The following RUNDC3B variants were observed in gnomAD, a reference collection of about 807,000 sequenced individuals.
The protein encoded by RUNDC3B is RUN domain-containing protein 3B.
In RUNDC3B, 33 loss-of-function variants were observed where a neutral mutation model predicts 58.4. That is an observed-to-expected ratio of 0.56 (90% CI 0.43 to 0.75). The LOEUF (loss-of-function observed/expected upper bound fraction) is 0.75, where lower values mean the gene tolerates loss of function less well. RUNDC3B is among the 30% of genes least tolerant of loss of function. RUNDC3B has a pLI of 0.00. For missense variants in RUNDC3B, 501 were observed against 535.7 expected, an observed-to-expected ratio of 0.94 and a Z score of 0.64; for synonymous variants, 193 against 195.2, an observed-to-expected ratio of 0.99 and a Z score of 0.10.
At chr7:87,794,404 C>T (rs1470845680) in intron 8 of RUNDC3B, among the ~76,000 whole-genome samples, 1 of 152,060 alleles carries the variant, frequency 6.6e-6, no homozygotes, top group Non-Finnish European at 1.5e-5. Context: ...CACTGCACTC[C>T]AGCCTGATGA....
intron 4 of RUNDC3B, among the ~76,000 whole-genome samples, chr7:87,725,239 A>T (rs1337799353): frequency 6.6e-6 from 1 of 150,774 alleles, no homozygotes; most frequent in Non-Finnish European, 1.5e-5. Context: ...TTCCCTCCCC[A>T]CTCCCCGCAC....
intron 6 of RUNDC3B, among the ~76,000 whole-genome samples, chr7:87,767,175 C>T (rs534074979): frequency 6.6e-6 from 1 of 152,142 alleles, no homozygotes; most frequent in Non-Finnish European, 1.5e-5. Context: ...TCCCAACCTT[C>T]TCTTAGATCT....
intron 10 of RUNDC3B, among the ~76,000 whole-genome samples, chr7:87,829,501 T>A (rs1838020678): frequency 6.6e-6 from 1 of 152,322 alleles, no homozygotes; most frequent in South Asian, 2.1e-4. Flanking sequence ...ATCAGATGGC[T>A]ATACATGTGC....
intron 2 of RUNDC3B, among the ~76,000 whole-genome samples, chr7:87,689,735 A>G (rs946043420): frequency 2.0e-5 from 3 of 152,108 alleles, no homozygotes; most frequent in Non-Finnish European, 2.9e-5. Flanking sequence ...TCTAATTTCA[A>G]TGAGTTGTCC....
chr7:87,768,905 T>A (rs1448977512), intron 6 of RUNDC3B, among the ~76,000 whole-genome samples: 1 of 152,152 alleles, frequency 6.6e-6, no homozygotes, highest in Non-Finnish European at 1.5e-5. Flanking sequence ...AAAAGTTGAA[T>A]GAACTCTTTT....
chr7:87,713,371 G>T (rs1013539060), intron 4 of RUNDC3B: 1 of 152,180 alleles, frequency 6.6e-6, no homozygotes, highest in Non-Finnish European at 1.5e-5. Flanking sequence ...AGGCAGGCTT[G>T]AAAGCACTAA....
At chr7:87,775,676 A>T (rs894847226) in intron 7 of RUNDC3B, among the ~76,000 whole-genome samples, 10 of 152,042 alleles carry the variant, frequency 6.6e-5, no homozygotes, top group African/African-American at 9.7e-5. Context: ...TGCCTTTTTT[A>T]AAAAAAATCT....
At chr7:87,660,695 TAGC>T (rs1824612603) in intron 2 of RUNDC3B, among the ~76,000 whole-genome samples, 2 of 151,984 alleles carry the variant, frequency 1.3e-5, no homozygotes, top group African/African-American at 4.8e-5. Context: ...GTTGGACTCT[TAGC>T]AGATTAATTT....
Position 87,628,813 on chromosome 7 carries a change from G to A in RUNDC3B, c.-11G>A, listed in dbSNP as rs1820876589. 2.4e-6 allele frequency: 3 copies of A among 1,237,992 alleles called. No homozygotes were observed. The highest frequency in any genetic ancestry group is 2.0e-6 in the Non-Finnish European group (2 of 978,528). The allele number at this position is 1,237,992 out of a possible 1,614,324, so 76.7% of individuals were successfully genotyped here. ...GGCACGAGACAAAAGGGGCACGGGG[G>A]TAAGCCCGCCATGGCCTCCCGGAGC... On this transcript the variant is annotated 5_prime_UTR_variant, in exon 1 of 11. Transcript: ENST00000394654.
intron 1 of RUNDC3B, among the ~76,000 whole-genome samples, chr7:87,638,850 T>G (rs1409343966): frequency 1.3e-5 from 2 of 152,154 alleles, no homozygotes; most frequent in Non-Finnish European, 2.9e-5. Context: ...GACTCCTCAG[T>G]TTATTTAGAA....
At chr7:87,729,646 G>A (rs1831462407) in intron 4 of RUNDC3B, among the ~76,000 whole-genome samples, 1 of 152,142 alleles carries the variant, frequency 6.6e-6, no homozygotes, top group South Asian at 2.1e-4. Context: ...AAGCAGTCTA[G>A]GCCAAAGAGA....
At chr7:87,719,868 C>T (rs778803774) in intron 4 of RUNDC3B, among the ~76,000 whole-genome samples, 65 of 150,616 alleles carry the variant, frequency 4.3e-4, no homozygotes, top group Middle Eastern at 6.9e-3. Context: ...GAAATCAAAA[C>T]ATTTCAGGAT....
At chr7:87,674,809 T>C (rs1826163075) in intron 2 of RUNDC3B, among the ~76,000 whole-genome samples, 1 of 152,074 alleles carries the variant, frequency 6.6e-6, no homozygotes. Context: ...AGGAGGGTGC[T>C]TAGATCAGAC....
intron 10 of RUNDC3B, among the ~76,000 whole-genome samples, chr7:87,829,409 T>A (rs1197882534): frequency 6.6e-6 from 1 of 152,158 alleles, no homozygotes; most frequent in African/African-American, 2.4e-5. Flanking sequence ...TTTTTCTGCA[T>A]ATGGCTAGAC....
chr7:87,789,616 T>G (rs1835417031), intron 8 of RUNDC3B, among the ~76,000 whole-genome samples: 1 of 152,220 alleles, frequency 6.6e-6, no homozygotes, highest in African/African-American at 2.4e-5. Context: ...TAAAATCATG[T>G]TAATATGTAT....
intron 4 of RUNDC3B, among the ~76,000 whole-genome samples, chr7:87,733,408 G>A (rs1831717414): frequency 6.6e-6 from 1 of 152,054 alleles, no homozygotes; most frequent in Admixed American, 6.6e-5. Flanking sequence ...TAGTTTCAAG[G>A]GGTCTCCCTG....
chr7:87,801,772 T>G (rs1836172325), intron 8 of RUNDC3B, among the ~76,000 whole-genome samples: 1 of 151,946 alleles, frequency 6.6e-6, no homozygotes, highest in Admixed American at 6.6e-5. Flanking sequence ...CAAAAAAAAT[T>G]AATATTTCTG....
intron 8 of RUNDC3B, among the ~76,000 whole-genome samples, chr7:87,804,349 T>C (rs538326372): frequency 7.2e-5 from 11 of 152,312 alleles, no homozygotes; most frequent in Non-Finnish European, 1.3e-4. Flanking sequence ...GCTTTACAAG[T>C]GTCAGAACCT....
At chr7:87,797,180 T>A (rs1489684986) in intron 8 of RUNDC3B, among the ~76,000 whole-genome samples, 2 of 152,190 alleles carry the variant, frequency 1.3e-5, no homozygotes, top group Non-Finnish European at 2.9e-5. Flanking sequence ...ACTTTATATA[T>A]AGACTGCATC....
Sources: gnomAD v4.1 joint callset for allele counts (sites outside exome capture counted in the v4.1 genomes callset) on GRCh38, gnomAD v4.1.1 for gene constraint, MANE v1.5 for transcripts, NCBI Gene and HGNC (gene_info 2026-07-23, HGNC 2026-07-21) for gene names.